Variants in RBM26 observed in about 807,000 individuals in gnomAD.
RBM26 encodes RNA-binding protein 26.
In RBM26, 30 loss-of-function variants were observed where a neutral mutation model predicts 123.6. The ratio of observed to expected loss-of-function variants is 0.24; its 90% CI spans 0.18 to 0.33. RBM26 has a LOEUF of 0.33. Among genes scored for constraint, RBM26 ranks in the 10% least tolerant of loss-of-function variants. RBM26 has a pLI of 1.00. For synonymous variants in RBM26, 400 were observed against 404.4 expected, an observed-to-expected ratio of 0.99 and a Z score of 0.13; for missense variants, 947 against 1,203.6, an observed-to-expected ratio of 0.79 and a Z score of 3.15.
At chr13:79,378,733 C>A (rs1278471139) in intron 2 of RBM26, 56 bp downstream of exon 2, 2 of 1,115,890 alleles carry the variant, frequency 1.8e-6, no homozygotes, top group African/African-American at 1.6e-5. Flanking sequence ...AGCCACCATG[C>A]CAAGCCTTAA....
chr13:79,394,622 A>T (rs748353849), intron 1 of RBM26, among the ~76,000 whole-genome samples: 1 of 152,112 alleles, frequency 6.6e-6, no homozygotes, highest in Non-Finnish European at 1.5e-5. Flanking sequence ...CCCTTGTAGC[A>T]ATTAGCTAAA....
At position 79,368,872 on chromosome 13, in the gene RBM26, C is replaced by T; in HGVS notation, c.753G>A (p.Leu251=). 3.7e-6 allele frequency: 6 copies of T among 1,613,700 alleles called. No individual in the cohort carries two copies. Among genetic ancestry groups the T allele is most frequent in the Non-Finnish European group, 5.1e-6 (6 of 1,179,778 alleles). The part of the protein sequence containing the change: ...ISSGHYPVPT[L]SSTITVIAPT... ...GAGCAATTACTGTAATAGTGCTGCT[C>T]AAAGTAGGTACAGGGTAGTGGCCAG... The change falls in exon 6 of 22, where the codon TTG becomes TTA. Residue 251 remains leucine (L), a synonymous_variant. Coordinates refer to ENST00000438737, the MANE Select transcript of RBM26 (RefSeq NM_001366735.2).
Position 79,355,235 on chromosome 13 carries a change from T to C in RBM26, c.1839A>G (p.Gln613=). The C allele has an allele frequency of 1.9e-6, 3 of 1,613,804 alleles. No individual in the cohort carries two copies. The highest frequency in any genetic ancestry group is 2.5e-6 in the Non-Finnish European group (3 of 1,179,794). ...CCTCTCTTACCTTTGGAGAAGTAGTTTGTAACTGTTGGGTGCTTCCTTCTC... is the reference window on the plus strand; with the variant it reads ...CCTCTCTTACCTTTGGAGAAGTAGTCTGTAACTGTTGGGTGCTTCCTTCTC... ...WHREGSTQQL[Q]TTSPKVMQPL... is the part of the protein sequence containing the mutation. The change falls in exon 12 of 22, where the codon CAA becomes CAG. Residue 613 remains glutamine (Q), a synonymous_variant. Coordinates refer to ENST00000438737, the MANE Select transcript of RBM26 (RefSeq NM_001366735.2).
chr13:79,315,644 T>C (rs566250908), downstream of RBM26, among the ~76,000 whole-genome samples: 6 of 151,826 alleles, frequency 4.0e-5, no homozygotes, highest in Admixed American at 2.6e-4. Context: ...GTATAAAAAG[T>C]GGATACGAAA....
Position 79,322,390 on chromosome 13 carries a change from A to T in RBM26, c.2893T>A (p.Ser965Thr), listed in dbSNP as rs765753436. The change falls in exon 21 of 22, where the codon TCA becomes ACA. Residue 965 changes from serine to threonine, a missense_variant. Ser to Thr is a moderately conservative substitution (Grantham distance 58). Around this residue, in one of 5 missense-constraint regions of RBM26, gnomAD observed 164 missense variants for 215.3 expected, o/e 0.76. Coordinates refer to ENST00000438737, the MANE Select transcript of RBM26 (RefSeq NM_001366735.2). Reference sequence around the variant, plus strand: ...TCAACTTCTTCTGTTTCAACAGCTGAAATATTAGTTACTGGTTTATTCCAT... The same window carrying T: ...TCAACTTCTTCTGTTTCAACAGCTGTAATATTAGTTACTGGTTTATTCCAT... ...LAWNKPVTNI[S>T]AVETEEVEPD... is the part of the protein sequence containing the mutation. 1.4e-5 allele frequency: 22 copies of T among 1,579,394 alleles called. No homozygotes were observed. The East Asian group carries it at 4.9e-4, about 35-fold the overall frequency.
chr13:79,378,062 C>T (rs2076792761), intron 2 of RBM26, among the ~76,000 whole-genome samples: 1 of 152,254 alleles, frequency 6.6e-6, no homozygotes. Context: ...GGTCGCAGCC[C>T]TCTGGGCTAG....
chr13:79,394,149 C>T (rs1360982961), intron 1 of RBM26, among the ~76,000 whole-genome samples: 1 of 152,220 alleles, frequency 6.6e-6, no homozygotes, highest in Non-Finnish European at 1.5e-5. Flanking sequence ...ACCTTCCCCT[C>T]TGCTGGCACA....
In RBM26 at chr13:79,319,083, T is replaced by C. The variant is rs2067403425; in HGVS notation, c.*1538A>G. 2 of 984,300 alleles carry C rather than the reference T, an allele frequency of 2.0e-6. No homozygotes were observed. The highest frequency in any genetic ancestry group is 1.2e-4 in the Admixed American group (2 of 16,134). 61.0% of individuals were successfully genotyped at this position (984,300 alleles called of 1,614,324 possible). ...GACACGAATTGCAAGGCAAAGCATT[T>C]CTATGAAATAGTGTTACCATCAAGA... is the stretch of plus-strand genomic sequence containing the variant. On this transcript the variant is annotated 3_prime_UTR_variant, in exon 22 of 22. Transcript: ENST00000438737.
At chr13:79,353,287 T>C (rs897599480) in intron 13 of RBM26, 63 bp from the exon 14 acceptor site, 55 of 933,820 alleles carry the variant, frequency 5.9e-5, no homozygotes, top group Non-Finnish European at 9.0e-5. Context: ...TGTTGGGATC[T>C]TGAACATTCT....
chr13:79,370,879 A>C (rs1303160766), intron 5 of RBM26, 66 bp downstream of exon 5: 1 of 1,494,100 alleles, frequency 6.7e-7, no homozygotes. Context: ...CAAAATGTTA[A>C]GCAATTTTTA....
rs2067535782 is a variant in RBM26, at chr13:79,320,398, C to G, written c.*223G>C. On this transcript the variant is annotated 3_prime_UTR_variant, in exon 22 of 22. Transcript: ENST00000438737. Reference sequence around the variant, plus strand: ...TGTAATAAAAACATTGCATATGTTTCTAGTGTGATGTCTTTAGCAATTGTT... The same window carrying G: ...TGTAATAAAAACATTGCATATGTTTGTAGTGTGATGTCTTTAGCAATTGTT... 1 of 1,152,926 alleles carries G rather than the reference C, an allele frequency of 8.7e-7. No homozygotes were observed. Among genetic ancestry groups the G allele is most frequent in the Non-Finnish European group, 1.1e-6 (1 of 928,326 alleles). 71.4% of individuals were successfully genotyped at this position (1,152,926 alleles called of 1,614,324 possible). A position where few individuals can be genotyped will look rare whatever the true frequency, so the allele number is the denominator to read the frequency against.
intron 9 of RBM26, among the ~76,000 whole-genome samples, chr13:79,363,598 T>A (rs1368376838): frequency 2.6e-5 from 4 of 152,320 alleles, no homozygotes; most frequent in East Asian, 1.9e-4. Flanking sequence ...AATGATTCTA[T>A]GAGAAAAAGC....
At chr13:79,391,210 C>T (rs182906434) in intron 1 of RBM26, among the ~76,000 whole-genome samples, 17 of 152,280 alleles carry the variant, frequency 1.1e-4, no homozygotes, top group East Asian at 7.7e-4. Context: ...TGATTTGTAG[C>T]ACGCATATAG....
chr13:79,375,081 T>C (rs1468242844), intron 3 of RBM26, among the ~76,000 whole-genome samples: 2 of 104,368 alleles, frequency 1.9e-5, no homozygotes, highest in Non-Finnish European at 4.2e-5. Flanking sequence ...TTATATGATA[T>C]ATATAAATAT....
chr13:79,337,616 TAA>T (rs2070663619), intron 18 of RBM26, among the ~76,000 whole-genome samples: 1 of 152,234 alleles, frequency 6.6e-6, no homozygotes, highest in Non-Finnish European at 1.5e-5. Context: ...TATGCAGTGT[TAA>T]ATGTTACTTC....
At position 79,353,146 on chromosome 13, in the gene RBM26, T is replaced by G; in HGVS notation, c.2058+7A>C. 1 of 1,565,412 alleles carries G rather than the reference T, an allele frequency of 6.4e-7. No individual in the cohort carries two copies. The highest frequency in any genetic ancestry group is 8.7e-7 in the Non-Finnish European group (1 of 1,147,484). On this transcript the variant is annotated splice_region_variant and intron_variant, in intron 14 of 21. Transcript: ENST00000438737. ...CCAAGACAAACACATCATGCTATTCTTCTTACCTTTTCAGTTGCTGAAACA... is the reference window on the plus strand; with the variant it reads ...CCAAGACAAACACATCATGCTATTCGTCTTACCTTTTCAGTTGCTGAAACA...
exon 5 of RBM26, chr13:79,313,326 CTCAATGGTATCT>C (rs1242852332): frequency 6.7e-6 from 1 of 149,804 alleles, no homozygotes; most frequent in Non-Finnish European, 1.5e-5. Flanking sequence ...AATTCTGATT[CTCAATGGTATCT>C]TCAATTTTGT....
intron 14 of RBM26, among the ~76,000 whole-genome samples, chr13:79,347,165 C>A (rs2072469969): frequency 6.6e-6 from 1 of 152,110 alleles, no homozygotes; most frequent in Non-Finnish European, 1.5e-5. Context: ...CTCCTTTATT[C>A]CTAGAAGTAT....
At chr13:79,371,356 AC>A (rs2075856508) in intron 4 of RBM26, among the ~76,000 whole-genome samples, 194 bp from the exon 5 acceptor site, 1 of 152,134 alleles carries the variant, frequency 6.6e-6, no homozygotes, top group Non-Finnish European at 1.5e-5. Context: ...TAAAGCCTTA[AC>A]CCTTAGTCTT....
Sources: gnomAD v4.1 joint callset for allele counts (sites outside exome capture counted in the v4.1 genomes callset) on GRCh38, gnomAD v4.1.1 for gene constraint, gnomAD v4.1.1 regional missense constraint, MANE v1.5 for transcripts, NCBI Gene and HGNC (gene_info 2026-07-23, HGNC 2026-07-21) for gene names.